Variants in PCDHGB2 observed in about 807,000 individuals in gnomAD.
PCDHGB2 encodes the protein protocadherin gamma-B2.
In PCDHGB2, 55 loss-of-function variants were observed where a neutral mutation model predicts 59.3. The ratio of observed to expected loss-of-function variants is 0.93; its 90% CI spans 0.75 to 1.16. The LOEUF (loss-of-function observed/expected upper bound fraction) is 1.16. Among genes scored for constraint, PCDHGB2 ranks in the 50% most tolerant of loss-of-function variants. The pLI is 0.00. For synonymous variants in PCDHGB2, 516 were observed against 512.0 expected (o/e 1.01, Z -0.11); for missense variants, 1,228 against 1,198.5 (o/e 1.02, Z -0.36).
In PCDHGB2 at chr5:141,422,647, T is replaced by G. The variant is rs773990745; in HGVS notation, c.2421+60091T>G. 2.5e-6 allele frequency: 4 copies of G among 1,611,858 alleles called. No individual in the cohort carries two copies. In the South Asian group the frequency reaches 4.4e-5, roughly 18 times the overall value. On this transcript the variant is annotated intron_variant, in intron 1 of 3. Transcript: ENST00000522605. ...CAACCCCAGGGGTGCCTCCATCTTC[T>G]CAGTGACCGCCCTCGACCCGGACAG...
At chr5:141,390,447 G>C (rs941574561) in intron 1 of PCDHGB2, 12 of 843,730 alleles carry the variant, frequency 1.4e-5, no homozygotes, top group Admixed American at 2.9e-5. Flanking sequence ...TACAAAGGAG[G>C]AGTAAAGTAG....
At position 141,487,550 on chromosome 5, in the gene PCDHGB2, G is replaced by A. The variant is rs762537798; in HGVS notation, c.2422-7257G>A. 1 of 1,614,160 alleles carries A rather than the reference G, an allele frequency of 6.2e-7. No individual in the cohort carries two copies. The highest frequency in any genetic ancestry group is 1.1e-5 in the South Asian group (1 of 91,082). ...CTTCATGATGGTGAAGTCACCCAGT[G>A]CACCTATGGCAGGGGAGCCTGTTCG... On this transcript the variant is annotated intron_variant, in intron 1 of 3. Transcript: ENST00000522605. The surrounding 1 kb of genome is among the most constrained non-coding windows in gnomAD (Gnocchi z 5.0).
In PCDHGB2 at chr5:141,511,188, C is replaced by A; in HGVS notation, c.*15C>A. 1 of 1,613,804 alleles carries A rather than the reference C, an allele frequency of 6.2e-7. No homozygotes were observed. ...AGAAGAAGTAACATGGAGGCCAGGC[C>A]AAGAGCCACAGGGCGGCCTCTCCCC... On this transcript the variant is annotated 3_prime_UTR_variant, in exon 4 of 4. Transcript: ENST00000522605.
At chr5:141,370,773 A>G in intron 1 of PCDHGB2, 2 of 1,614,002 alleles carry the variant, frequency 1.2e-6, no homozygotes, top group Non-Finnish European at 1.7e-6. Flanking sequence ...CCAGGATATT[A>G]ACGACAACCC....
intron 1 of PCDHGB2, chr5:141,405,626 C>G (rs1329214735): frequency 3.7e-6 from 2 of 538,556 alleles, no homozygotes; most frequent in South Asian, 5.3e-5. Context: ...AGGCACGTGC[C>G]ACCACGCCCG....
intron 1 of PCDHGB2, chr5:141,364,208 T>G: frequency 8.4e-7 from 1 of 1,193,066 alleles, no homozygotes; most frequent in Non-Finnish European, 1.1e-6. Context: ...CCAGACAAGC[T>G]CCTACGAAAA....
At chr5:141,404,039 G>A in intron 1 of PCDHGB2, 1 of 1,613,750 alleles carries the variant, frequency 6.2e-7, no homozygotes, top group Non-Finnish European at 8.5e-7. Context: ...CGCACCTCAG[G>A]GAACAGTAAT....
At position 141,360,150 on chromosome 5, in the gene PCDHGB2, A is replaced by G. The variant is rs1761441721; in HGVS notation, c.15A>G (p.Ser5=). Residue 5 remains serine, a synonymous_variant, in exon 1 of 4, where the codon TCA becomes TCG. Transcript: ENST00000522605. MKAS[S]GRCGLVRWLQ... is the part of the protein sequence containing the mutation. The stretch of plus-strand genomic sequence containing the variant: ...GGAGCCAGAAGATGAAAGCGAGCTC[A>G]GGGAGGTGCGGGCTGGTGCGGTGGC... 2 of 1,602,638 alleles carry G rather than the reference A, an allele frequency of 1.2e-6. No homozygotes were observed. The highest frequency in any genetic ancestry group is 3.4e-5 in the Admixed American group (2 of 58,484).
chr5:141,405,435 T>C, intron 1 of PCDHGB2: 1 of 1,463,324 alleles, frequency 6.8e-7, no homozygotes, highest in Non-Finnish European at 9.3e-7. Context: ...TTGTTTTGTT[T>C]TTGAGACAGA....
At chr5:141,419,723 C>A in intron 1 of PCDHGB2, 6 of 1,613,292 alleles carry the variant, frequency 3.7e-6, no homozygotes, top group Non-Finnish European at 5.1e-6. Flanking sequence ...CCTGGGGCTG[C>A]GAACAGGCGA....
intron 1 of PCDHGB2, chr5:141,370,659 C>A: frequency 6.2e-7 from 1 of 1,613,780 alleles, no homozygotes; most frequent in Admixed American, 1.7e-5. Context: ...TGTGAGCGAC[C>A]GTATAGACCG....
chr5:141,360,070 C>T lies in PCDHGB2; in HGVS notation c.-66C>T, dbSNP rs1230687498. 2 of 1,469,578 alleles carry T rather than the reference C, an allele frequency of 1.4e-6. No individual in the cohort carries two copies. The highest frequency in any genetic ancestry group is 1.8e-6 in the Non-Finnish European group (2 of 1,108,118). 91.0% of individuals were successfully genotyped at this position (1,469,578 alleles called of 1,614,324 possible). On this transcript the variant is annotated 5_prime_UTR_variant, in exon 1 of 4. Transcript: ENST00000522605. ...ACAAAAGCAGGAAAAGTGACCTTAG[C>T]CCGGATTCTGCCATCCCCGGAAGGC... is the stretch of plus-strand genomic sequence containing the variant.
chr5:141,465,968 A>G (rs2099113507), intron 1 of PCDHGB2, among the ~76,000 whole-genome samples: 3 of 151,940 alleles, frequency 2.0e-5, no homozygotes, highest in Admixed American at 6.6e-5. Flanking sequence ...TAAAAATACA[A>G]AAAATTAGCC....
chr5:141,393,484 G>A, intron 1 of PCDHGB2: 1 of 1,614,058 alleles, frequency 6.2e-7, no homozygotes, highest in Non-Finnish European at 8.5e-7. Context: ...CCTCGCTCTA[G>A]CACAGTGCGC....
intron 2 of PCDHGB2, among the ~76,000 whole-genome samples, chr5:141,495,623 C>T (rs990126072): frequency 3.3e-5 from 5 of 152,208 alleles, no homozygotes; most frequent in South Asian, 2.1e-4. Context: ...GCACCTCAGC[C>T]TCAGTCCCTT....
chr5:141,361,722 G>T lies in PCDHGB2; in HGVS notation c.1587G>T (p.Glu529Asp), dbSNP rs1055343952. 6 of 1,613,196 alleles carry T rather than the reference G, an allele frequency of 3.7e-6. No homozygotes were observed. Among genetic ancestry groups the T allele is most frequent in the Non-Finnish European group, 4.2e-6 (5 of 1,179,854 alleles). The change falls in exon 1 of 4, where the codon GAG becomes GAT. Residue 529 changes from glutamate (E) to aspartate (D), a missense_variant. Physicochemically the swap from Glu to Asp is conservative, Grantham distance 45. Around this residue, in one of 3 missense-constraint regions of PCDHGB2, gnomAD observed 781 missense variants for 721.6 expected, o/e 1.08. Coordinates refer to ENST00000522605, the MANE Select transcript of PCDHGB2 (RefSeq NM_018923.3). ...ATCATGAGCAGCTGCGCGCCTTCGA[G>T]CTCACACTGCAGGCCCGCGACCAGG... The part of the protein sequence containing the change: ...AFDHEQLRAF[E>D]LTLQARDQGS...
chr5:141,437,945 C>A (rs1204633193), intron 1 of PCDHGB2, among the ~76,000 whole-genome samples: 1 of 152,112 alleles, frequency 6.6e-6, no homozygotes, highest in Non-Finnish European at 1.5e-5. Flanking sequence ...ACCATATTGG[C>A]CAGAATGGTC....
intron 1 of PCDHGB2, among the ~76,000 whole-genome samples, chr5:141,482,988 G>A (rs982148755): frequency 2.6e-5 from 4 of 152,112 alleles, no homozygotes; most frequent in South Asian, 2.1e-4. Context: ...GAGAGGTCGA[G>A]GCAGGAGAAT....
At chr5:141,492,191 G>A (rs996614987) in intron 1 of PCDHGB2, among the ~76,000 whole-genome samples, 1 of 152,204 alleles carries the variant, frequency 6.6e-6, no homozygotes, top group African/African-American at 2.4e-5. Context: ...ACCTGTCTGC[G>A]GGACTTAGGT....
Sources: gnomAD v4.1 joint callset for allele counts (sites outside exome capture counted in the v4.1 genomes callset) on GRCh38, gnomAD v4.1.1 for gene constraint, gnomAD v4.1.1 regional missense constraint, Gnocchi (gnomAD v3.1) non-coding constraint, MANE v1.5 for transcripts, NCBI Gene and HGNC (gene_info 2026-07-23, HGNC 2026-07-21) for gene names.